MYSM1: variants seen among roughly 807,000 people sequenced by gnomAD.
MYSM1 encodes Myb like, SWIRM and MPN domains 1, also known as deubiquitinase MYSM1.
Under a neutral mutation model 116.0 loss-of-function variants are expected in MYSM1, and 51 were observed. That is an observed-to-expected ratio of 0.44 (90% CI 0.35 to 0.56). The LOEUF is 0.56. Ranked by LOEUF, MYSM1 falls within the 20% of genes least tolerant of loss-of-function variation. MYSM1 has a pLI of 0.00. For missense variants in MYSM1, 900 were observed against 974.9 expected, an observed-to-expected ratio of 0.92 and a Z score of 1.02; for synonymous variants, 313 against 315.2, an observed-to-expected ratio of 0.99 and a Z score of 0.07.
chr1:58,693,577 G>T (rs564978154), intron 2 of MYSM1, among the ~76,000 whole-genome samples: 1 of 152,238 alleles, frequency 6.6e-6, no homozygotes, highest in East Asian at 1.9e-4. Context: ...AATCATTGTG[G>T]ATTCTTTCCT....
At chr1:58,660,196 G>C in intron 19 of MYSM1, 41 bp from the exon 20 acceptor site, 1 of 1,350,430 alleles carries the variant, frequency 7.4e-7, no homozygotes, top group Non-Finnish European at 9.9e-7. Flanking sequence ...TACAGAAAAA[G>C]TATGAGGGTT....
rs2100580166 is a variant in MYSM1 at position 58,659,065 on chromosome 1, A to G, written c.*932T>C. The G allele has an allele frequency of 6.6e-6, 1 of 152,072 alleles. No individual in the cohort carries two copies. Among genetic ancestry groups the G allele is most frequent in the South Asian group, 2.1e-4 (1 of 4,830 alleles). The allele number at this position is 152,072 out of a possible 1,614,324, so 9.4% of individuals were successfully genotyped here. ...AATTATTTACAAACTGGCCCTTTAC[A>G]TTAAAAAAGTTCACTGACCTCCATT... On this transcript the variant is annotated 3_prime_UTR_variant, in exon 20 of 20. Coordinates refer to ENST00000472487, the MANE Select transcript of MYSM1 (RefSeq NM_001085487.3).
rs1036707518 is a variant in MYSM1 at position 58,658,719 on chromosome 1, C to G, written c.*1278G>C. 6.6e-6 allele frequency: 1 copy of G among 152,074 alleles called. No homozygotes were observed. The highest frequency in any genetic ancestry group is 1.5e-5 in the Non-Finnish European group (1 of 68,018). The allele number at this position is 152,074 out of a possible 1,614,324, so 9.4% of individuals were successfully genotyped here. A position where few individuals can be genotyped will look rare whatever the true frequency, so the allele number is the denominator to read the frequency against. On this transcript the variant is annotated 3_prime_UTR_variant, in exon 20 of 20. Transcript: ENST00000472487. ...CTACTAAGAAATAAACTAAAATCTA[C>G]TGAATTTCAATAAATGAGGCAGCAT...
At chr1:58,662,327 A>AT (rs912293190) in intron 17 of MYSM1, among the ~76,000 whole-genome samples, 3 of 152,100 alleles carry the variant, frequency 2.0e-5, no homozygotes, top group African/African-American at 2.4e-5. Flanking sequence ...CATCTATAGC[A>AT]TTTTTTTAAA....
rs185491016 is a variant in MYSM1 at position 58,683,865 on chromosome 1, G to C, written c.498+1288C>G. Among the ~76,000 whole-genome samples, 3 of 152,240 alleles carry C rather than the reference G, an allele frequency of 2.0e-5. No homozygotes were observed. The East Asian group carries it at 5.8e-4, about 29-fold the overall frequency. ...TCCTGTCTATAATTTTAAAAATTCA[G>C]ATGAAATTTTGCATTGATTTCATAA... is the stretch of plus-strand genomic sequence containing the variant. On this transcript the variant is annotated intron_variant, in intron 7 of 19. Coordinates refer to ENST00000472487, the MANE Select transcript of MYSM1 (RefSeq NM_001085487.3).
Position 58,682,175 on chromosome 1 carries a change from G to C in MYSM1, c.869C>G (p.Ser290Ter), listed in dbSNP as rs1569770360. 1.2e-6 allele frequency: 2 copies of C among 1,612,776 alleles called. No homozygotes were observed. Among genetic ancestry groups the C allele is most frequent in the Non-Finnish European group, 8.5e-7 (1 of 1,178,944 alleles). Residue 290 changes from serine to a stop codon, truncating the protein, a stop_gained, in exon 8 of 20, where the codon TCA becomes TGA. Transcript: ENST00000472487. LOFTEE classifies it high-confidence loss of function. ...LQNEKQDETL[S>*]SSEITLWTEK... ...AGTCCACAGTGTAATTTCTGAGCTT[G>C]AAAGTGTTTCATCTTGCTTTTCATT...
At position 58,661,199 on chromosome 1, in the gene MYSM1, G is replaced by T. The variant is rs751323277; in HGVS notation, c.2299C>A (p.Arg767=). The change falls in exon 19 of 20, where the codon CGG becomes AGG. Residue 767 remains arginine (R), a synonymous_variant. Transcript: ENST00000472487. ...SSVPMDKIFR[R]DSDLTCLQKL... Reference sequence around the variant, plus strand: ...TGCAAACAAGTCAGGTCAGAATCCCGGCGAAAGATTTTATCCATGGGGACG... The same window carrying T: ...TGCAAACAAGTCAGGTCAGAATCCCTGCGAAAGATTTTATCCATGGGGACG... The T allele has an allele frequency of 4.3e-6, 7 of 1,613,068 alleles. No homozygotes were observed. The highest frequency in any genetic ancestry group is 4.2e-6 in the Non-Finnish European group (5 of 1,179,390).
chr1:58,690,457 G>C, intron 3 of MYSM1, 40 bp from the exon 4 acceptor site: 2 of 1,358,730 alleles, frequency 1.5e-6, no homozygotes, highest in Non-Finnish European at 2.0e-6. Flanking sequence ...CAATATTACA[G>C]TCATGTAATT....
rs1644575414 is a variant in MYSM1 at position 58,672,304 on chromosome 1, TGAGA to T, written c.1573-350_1573-347del. On this transcript the variant is annotated intron_variant, in intron 11 of 19. Coordinates refer to ENST00000472487, the MANE Select transcript of MYSM1 (RefSeq NM_001085487.3). ...ACTGTGTTGAGTTTTCTTTCACAAC[TGAGA>T]GACAGTGCAGAGTAATGATTAAGAA... 2.0e-5 allele frequency among the ~76,000 whole-genome samples: 3 copies of T among 152,122 alleles called. No homozygotes were observed. The South Asian group carries it at 6.2e-4, about 32-fold the overall frequency.
chr1:58,682,753 T>C (rs1381147499), intron 7 of MYSM1, among the ~76,000 whole-genome samples: 2 of 151,256 alleles, frequency 1.3e-5, no homozygotes, highest in African/African-American at 2.4e-5. Flanking sequence ...TGGAGTGCAG[T>C]GGCGCAATCC....
chr1:58,667,782 T>A, intron 15 of MYSM1, 65 bp downstream of exon 15: 1 of 938,746 alleles, frequency 1.1e-6, no homozygotes, highest in African/African-American at 1.6e-5. Flanking sequence ...CTGAATTCTA[T>A]AAAAATATTT....
At chr1:58,669,217 A>T (rs1361267591) in intron 12 of MYSM1, among the ~76,000 whole-genome samples, 179 bp from the exon 13 acceptor site, 1 of 137,984 alleles carries the variant, frequency 7.2e-6, no homozygotes, top group Non-Finnish European at 1.5e-5. Context: ...ATTTAACAAG[A>T]ACAAAAAAAA....
At chr1:58,697,323 A>G (rs573150909) in intron 1 of MYSM1, among the ~76,000 whole-genome samples, 109 of 151,710 alleles carry the variant, frequency 7.2e-4, no homozygotes, top group Non-Finnish European at 1.3e-3. Context: ...ATAGATTCAG[A>G]GAACTGGATA....
chr1:58,689,414 C>T (rs1644872699), intron 5 of MYSM1: 1 of 241,448 alleles, frequency 4.1e-6, no homozygotes, highest in Non-Finnish European at 7.9e-6. Flanking sequence ...CAAATAGGCT[C>T]CCTTAGACTG....
At chr1:58,688,832 G>A (rs1644864648) in intron 6 of MYSM1, among the ~76,000 whole-genome samples, 2 of 151,938 alleles carry the variant, frequency 1.3e-5, no homozygotes, top group Non-Finnish European at 2.9e-5. Context: ...ATCTATTTTA[G>A]TATTTTAGTA....
chr1:58,662,462 CT>C (rs5774420), intron 17 of MYSM1, among the ~76,000 whole-genome samples: 35 of 109,176 alleles, frequency 3.2e-4, no homozygotes, highest in Middle Eastern at 4.6e-3. Context: ...TCACCCCCCC[CT>C]TTTTTTTTTT....
intron 7 of MYSM1, among the ~76,000 whole-genome samples, chr1:58,684,230 A>C (rs1644791689): frequency 6.6e-6 from 1 of 152,132 alleles, no homozygotes; most frequent in Admixed American, 6.6e-5. Context: ...GACACTTACC[A>C]ATTTTATATA....
intron 1 of MYSM1, 95 bp from the exon 2 acceptor site, chr1:58,695,302 C>CTA (rs1050596147): frequency 1.4e-6 from 1 of 715,472 alleles, no homozygotes; most frequent in African/African-American, 1.9e-5. Context: ...AGTAAGGGAA[C>CTA]TAAGCAAATA....
chr1:58,697,515 G>T (rs1644992549), intron 1 of MYSM1, among the ~76,000 whole-genome samples: 1 of 151,988 alleles, frequency 6.6e-6, no homozygotes, highest in Non-Finnish European at 1.5e-5. Flanking sequence ...AAAACTCCTT[G>T]CAACACTAGG....
Sources: gnomAD v4.1 joint callset for allele counts (sites outside exome capture counted in the v4.1 genomes callset) on GRCh38, gnomAD v4.1.1 for gene constraint, MANE v1.5 for transcripts, NCBI Gene and HGNC (gene_info 2026-07-23, HGNC 2026-07-21) for gene names.